The following FUBP3 variants were observed in gnomAD, a reference collection of about 807,000 sequenced individuals.
The protein encoded by FUBP3 is far upstream element binding protein 3.
FUBP3 carries 28 observed loss-of-function variants against 85.6 expected under a neutral mutation model. That is an observed-to-expected ratio of 0.33 (90% CI 0.24 to 0.45). The LOEUF is 0.45. Among genes scored for constraint, FUBP3 ranks in the 20% least tolerant of loss-of-function variants. The probability of loss-of-function intolerance (pLI) is 1.00; values close to 1 mark genes in which losing one functional copy is unlikely to be tolerated. For missense variants in FUBP3, 583 were observed against 755.1 expected, an observed-to-expected ratio of 0.77 and a Z score of 2.67; for synonymous variants, 271 against 271.4, an observed-to-expected ratio of 1.00 and a Z score of 0.01.
intron 8 of FUBP3, among the ~76,000 whole-genome samples, chr9:130,619,753 C>A (rs528743894): frequency 6.6e-6 from 1 of 152,318 alleles, no homozygotes; most frequent in Admixed American, 6.5e-5. Context: ...ACACTTGAAT[C>A]TGCCTGGGAT....
chr9:130,632,320 T>G, intron 16 of FUBP3, 42 bp downstream of exon 16: 1 of 1,494,208 alleles, frequency 6.7e-7, no homozygotes. Context: ...TCCAGAAAGG[T>G]TGCGGCCCAC....
rs1380205139 is a variant in FUBP3, at chr9:130,637,534, A to G, written c.*512A>G. The G allele has an allele frequency of 6.1e-6, 1 of 164,298 alleles. No individual in the cohort carries two copies. Among genetic ancestry groups the G allele is most frequent in the African/African-American group, 2.4e-5 (1 of 41,532 alleles). The allele number at this position is 164,298 out of a possible 1,614,324, so 10.2% of individuals were successfully genotyped here. A position where few individuals can be genotyped will look rare whatever the true frequency, so the allele number is the denominator to read the frequency against. Reference sequence around the variant, plus strand: ...CTGTCTGGTTTTATTGCATTTTTAAAAAAACTGAACTATTATGTATTGTAA... The same window carrying G: ...CTGTCTGGTTTTATTGCATTTTTAAGAAAACTGAACTATTATGTATTGTAA... On this transcript the variant is annotated 3_prime_UTR_variant, in exon 19 of 19. Transcript: ENST00000319725.
At position 130,637,046 on chromosome 9, in the gene FUBP3, T is replaced by A; in HGVS notation, c.*24T>A. The A allele has an allele frequency of 6.2e-7, 1 of 1,601,436 alleles. No homozygotes were observed. Among genetic ancestry groups the A allele is most frequent in the Non-Finnish European group, 8.6e-7 (1 of 1,168,524 alleles). ...AGGACAGCGTCCTCGTGGCCAACTC[T>A]CCCCTCAAAATCATTGTCAAAGAAA... On this transcript the variant is annotated 3_prime_UTR_variant, in exon 19 of 19. Coordinates refer to ENST00000319725, the MANE Select transcript of FUBP3 (RefSeq NM_003934.2).
At chr9:130,617,101 AC>A (rs1832046553) in intron 7 of FUBP3, among the ~76,000 whole-genome samples, 1 of 152,190 alleles carries the variant, frequency 6.6e-6, no homozygotes, top group Non-Finnish European at 1.5e-5. Flanking sequence ...TCAGAATTTA[AC>A]ACTCCCAGCA....
At position 130,609,938 on chromosome 9, in the gene FUBP3, T is replaced by G. The variant is rs751947899; in HGVS notation, c.191-16T>G. Reference sequence around the variant, plus strand: ...CTAATGCTTTGATTTTTTTTTTCTCTTTCTCTTTGCCACAGTAGGTAACCA... The same window carrying G: ...CTAATGCTTTGATTTTTTTTTTCTCGTTCTCTTTGCCACAGTAGGTAACCA... On this transcript the variant is annotated splice_polypyrimidine_tract_variant and intron_variant, in intron 2 of 18. Transcript: ENST00000319725. 7.5e-6 allele frequency: 12 copies of G among 1,601,840 alleles called. No homozygotes were observed. Among genetic ancestry groups the G allele is most frequent in the Non-Finnish European group, 1.0e-5 (12 of 1,170,116 alleles).
intron 16 of FUBP3, among the ~76,000 whole-genome samples, chr9:130,633,692 T>G (rs1830304290): frequency 6.6e-6 from 1 of 152,174 alleles, no homozygotes; most frequent in African/African-American, 2.4e-5. Flanking sequence ...GCCGGCGCCC[T>G]CCGCGTCCGA....
chr9:130,615,280 C>G (rs1307776328), intron 6 of FUBP3, among the ~76,000 whole-genome samples: 1 of 152,184 alleles, frequency 6.6e-6, no homozygotes, highest in Non-Finnish European at 1.5e-5. Flanking sequence ...TGGGAAGATA[C>G]ACGAAGCTGA....
rs1015683535 is a variant in FUBP3 at position 130,638,230 on chromosome 9, A to G, written c.*1208A>G. On this transcript the variant is annotated 3_prime_UTR_variant, in exon 19 of 19. Transcript: ENST00000319725. ...GCTTGAAATGTCTAACTATTAAAAA[A>G]GACAATTGGAAAATGTTATGCATGG... 4 of 152,680 alleles carry G rather than the reference A, an allele frequency of 2.6e-5. No individual in the cohort carries two copies. Among genetic ancestry groups the G allele is most frequent in the African/African-American group, 9.6e-5 (4 of 41,470 alleles). 9.5% of individuals were successfully genotyped at this position (152,680 alleles called of 1,614,324 possible).
intron 2 of FUBP3, among the ~76,000 whole-genome samples, chr9:130,602,080 G>A (rs555473190): frequency 1.3e-5 from 2 of 152,266 alleles, no homozygotes; most frequent in African/African-American, 4.8e-5. Flanking sequence ...GATTACAGGC[G>A]TGAGCCACCG....
At chr9:130,620,327 T>C in intron 8 of FUBP3, 27 bp from the exon 9 acceptor site, 1 of 1,354,190 alleles carries the variant, frequency 7.4e-7, no homozygotes, top group Non-Finnish European at 1.0e-6. Context: ...TTTTTTCTCA[T>C]AATGCTTTTT....
At chr9:130,594,336 A>G (rs1042554906) in intron 1 of FUBP3, among the ~76,000 whole-genome samples, 2 of 152,074 alleles carry the variant, frequency 1.3e-5, no homozygotes, top group Non-Finnish European at 2.9e-5. Flanking sequence ...TAATCCCAGC[A>G]CTTTGGGAGG....
intron 2 of FUBP3, among the ~76,000 whole-genome samples, chr9:130,596,349 A>G (rs1238224676): frequency 2.6e-5 from 4 of 152,122 alleles, no homozygotes; most frequent in Admixed American, 2.0e-4. Context: ...TATGTACCCA[A>G]TCATTTATGT....
chr9:130,583,335 C>T (rs1830210622), intron 1 of FUBP3, among the ~76,000 whole-genome samples: 1 of 152,214 alleles, frequency 6.6e-6, no homozygotes, highest in Non-Finnish European at 1.5e-5. Context: ...AACTTTAATG[C>T]TTTAAGATTC....
intron 2 of FUBP3, 111 bp from the exon 3 acceptor site, chr9:130,609,843 T>G: frequency 1.2e-6 from 1 of 817,832 alleles, no homozygotes; most frequent in East Asian, 2.4e-5. Flanking sequence ...CTGTTTGCTT[T>G]CTTTCTGCCT....
intron 2 of FUBP3, among the ~76,000 whole-genome samples, chr9:130,607,004 T>C (rs1402020374): frequency 6.6e-6 from 1 of 152,168 alleles, no homozygotes. Context: ...ATTGTTCTGC[T>C]CTGTCACCCA....
chr9:130,603,440 C>T (rs7851693), intron 2 of FUBP3, among the ~76,000 whole-genome samples: 1 of 151,516 alleles, frequency 6.6e-6, no homozygotes, highest in African/African-American at 2.4e-5. Flanking sequence ...TGCCCTACCC[C>T]CCTACCTCAG....
intron 9 of FUBP3, among the ~76,000 whole-genome samples, chr9:130,622,241 C>T (rs549420240): frequency 5.5e-4 from 81 of 147,996 alleles, no homozygotes; most frequent in African/African-American, 1.7e-3. Flanking sequence ...GGGAGAACTG[C>T]TTGAACCTCA....
intron 2 of FUBP3, 126 bp from the exon 3 acceptor site, chr9:130,609,828 A>G: frequency 1.3e-6 from 1 of 742,648 alleles, no homozygotes; most frequent in South Asian, 1.5e-5. Context: ...ACTGAGCCTA[A>G]ATTACTGTTT....
rs2119076194 is a variant in FUBP3, at chr9:130,614,434, C to CT, written c.404+90dup. 7 of 809,954 alleles carry CT rather than the reference C, an allele frequency of 8.6e-6. No individual in the cohort carries two copies. In the South Asian group the frequency reaches 1.0e-4, roughly 12 times the overall value. The allele number at this position is 809,954 out of a possible 1,614,324, so 50.2% of individuals were successfully genotyped here. On this transcript the variant is annotated intron_variant, in intron 6 of 18. Transcript: ENST00000319725. ...GGAAGGGCAACACTGTTACTGAACA[C>CT]TGAGTCTGTGCTGCAGTCTGGCCAC...
Sources: gnomAD v4.1 joint callset for allele counts (sites outside exome capture counted in the v4.1 genomes callset) on GRCh38, gnomAD v4.1.1 for gene constraint, MANE v1.5 for transcripts, NCBI Gene and HGNC (gene_info 2026-07-23, HGNC 2026-07-21) for gene names.